The following MMP17 variants were observed in gnomAD, a reference collection of about 807,000 sequenced individuals.
MMP17 encodes matrix metallopeptidase 17.
Under a neutral mutation model 49.1 loss-of-function variants are expected in MMP17, and 54 were observed. That is an observed-to-expected ratio of 1.10 (90% confidence interval 0.88 to 1.38). MMP17 has a LOEUF of 1.38. Ranked by LOEUF, MMP17 falls within the 40% of genes most tolerant of loss-of-function variation. The pLI, the probability that MMP17 is intolerant of heterozygous loss-of-function variation, is 0.00. For missense variants in MMP17, 837 were observed against 853.7 expected, an observed-to-expected ratio of 0.98 and a Z score of 0.24; for synonymous variants, 397 against 383.1, an observed-to-expected ratio of 1.04 and a Z score of -0.42.
chr12:131,843,695 G>A (rs1454398193), intron 5 of MMP17, among the ~76,000 whole-genome samples: 2 of 152,256 alleles, frequency 1.3e-5, no homozygotes, highest in Non-Finnish European at 2.9e-5. Context: ...GCGGTGAACA[G>A]TGCTGTGAAG....
intron 5 of MMP17, among the ~76,000 whole-genome samples, chr12:131,843,030 CTG>C (rs1262152938): frequency 6.6e-6 from 1 of 152,114 alleles, no homozygotes; most frequent in African/African-American, 2.4e-5. Flanking sequence ...GAGTCTCACT[CTG>C]TCACCCAGGC....
At chr12:131,844,109 C>A in intron 6 of MMP17, 28 bp downstream of exon 6, 1 of 1,527,058 alleles carries the variant, frequency 6.5e-7, no homozygotes. Flanking sequence ...GGTCACCACC[C>A]GCTGGGGTCT....
At chr12:131,833,103 C>G (rs1886910614) in intron 1 of MMP17, among the ~76,000 whole-genome samples, 1 of 152,246 alleles carries the variant, frequency 6.6e-6, no homozygotes, top group Admixed American at 6.5e-5. Flanking sequence ...GTGTTCTCAT[C>G]TGTAAACTGG....
intron 1 of MMP17, among the ~76,000 whole-genome samples, chr12:131,836,264 G>A (rs946197152): frequency 6.6e-6 from 1 of 152,130 alleles, no homozygotes; most frequent in Non-Finnish European, 1.5e-5. Context: ...CAGATCCCAT[G>A]TAGTGTCTTG....
intron 4 of MMP17, among the ~76,000 whole-genome samples, 176 bp downstream of exon 4, chr12:131,841,032 C>G (rs1002473519): frequency 5.3e-5 from 8 of 152,242 alleles, no homozygotes; most frequent in Non-Finnish European, 1.0e-4. Flanking sequence ...CTCGGCCCGG[C>G]TGACCTCGCT....
rs777424632 is a variant in MMP17, at chr12:131,840,826, G to A, written c.676G>A (p.Asp226Asn). 2.1e-5 allele frequency: 33 copies of A among 1,606,858 alleles called. No homozygotes were observed. The African/African-American group carries it at 2.8e-4, about 14-fold the overall frequency. Reference sequence around the variant, plus strand: ...CACCGCCGGGGACACCCACTTTGACGATGACGAGGCCTGGACCTTCCGCTC... The same window carrying A: ...CACCGCCGGGGACACCCACTTTGACAATGACGAGGCCTGGACCTTCCGCTC... The part of the protein sequence containing the change: ...HHTAGDTHFD[D>N]DEAWTFRSSD... Residue 226 changes from aspartate to asparagine, a missense_variant, in exon 4 of 10, where the codon GAT becomes AAT. Coordinates refer to ENST00000360564, the MANE Select transcript of MMP17 (RefSeq NM_016155.7).
At chr12:131,839,547 C>T (rs1887274499) in intron 3 of MMP17, among the ~76,000 whole-genome samples, 1 of 152,112 alleles carries the variant, frequency 6.6e-6, no homozygotes, top group South Asian at 2.1e-4. Context: ...AATCTTGGCT[C>T]ACTACAACCT....
At chr12:131,848,438 C>G (rs927632227) in intron 8 of MMP17, among the ~76,000 whole-genome samples, 7 of 152,092 alleles carry the variant, frequency 4.6e-5, no homozygotes, top group Non-Finnish European at 1.0e-4. Flanking sequence ...TTTACTATTT[C>G]AGCCATTTTG....
In MMP17 at chr12:131,850,055, C is replaced by G. The variant is rs755256179; in HGVS notation, c.1458C>G (p.Ser486=). 16 of 1,608,278 alleles carry G rather than the reference C, an allele frequency of 9.9e-6. No homozygotes were observed. The highest frequency in any genetic ancestry group is 1.0e-5 in the Non-Finnish European group (12 of 1,177,148). The change falls in exon 9 of 10, where the codon TCC becomes TCG. Residue 486 remains serine (S), a synonymous_variant. Transcript: ENST00000360564. Reference sequence around the variant, plus strand: ...CGCTGGACGACGCCATGCGCTGGTCCGACGGTGAGTGCCAGCTGGGGGGAC... The same window carrying G: ...CGCTGGACGACGCCATGCGCTGGTCGGACGGTGAGTGCCAGCTGGGGGGAC... ...PSTLDDAMRW[S]DGASYFFRGQ... is the part of the protein sequence containing the mutation.
chr12:131,835,292 C>G (rs60528604), intron 1 of MMP17, among the ~76,000 whole-genome samples: 23,044 of 152,290 alleles, frequency 0.15, 2,616 homozygotes, highest in East Asian at 0.44. Flanking sequence ...GCCTGTTTAT[C>G]ATGGGCGGGG....
rs10751702 is a variant in MMP17, at chr12:131,846,266, C to G, written c.1204+817C>G. ...AGTGTCACCCTCAGCCACATCCCTC[C>G]TGCCACCGCCTCTGTCTCCACCCGG... On this transcript the variant is annotated intron_variant, in intron 8 of 9. Transcript: ENST00000360564. This position sits in a 1 kb window ranked among gnomAD's most constrained non-coding sequence, Gnocchi z 4.6. 0.96 allele frequency among the ~76,000 whole-genome samples: 146,767 copies of G among 152,286 alleles called. 70,880 individuals carry two copies. Among genetic ancestry groups the G allele is most frequent in the East Asian group, 1 (5,182 of 5,188 alleles).
rs543189082 is a variant in MMP17 at position 131,838,388 on chromosome 12, C to T, written c.292+61C>T. 6 of 1,581,982 alleles carry T rather than the reference C, an allele frequency of 3.8e-6. No homozygotes were observed. The South Asian group carries it at 4.6e-5, about 12-fold the overall frequency. ...CCCCGTCAGGTCTGCGCCCGTCGGC[C>T]ATGCCCCCTCTGATCAGGCACAGTC... On this transcript the variant is annotated intron_variant, in intron 2 of 9. Coordinates refer to ENST00000360564, the MANE Select transcript of MMP17 (RefSeq NM_016155.7).
chr12:131,828,393 A>T lies in MMP17; in HGVS notation c.-102A>T. 3.0e-6 allele frequency: 2 copies of T among 669,904 alleles called. No homozygotes were observed. The highest frequency in any genetic ancestry group is 3.7e-6 in the Non-Finnish European group (2 of 541,508). 41.5% of individuals were successfully genotyped at this position (669,904 alleles called of 1,614,324 possible). On this transcript the variant is annotated 5_prime_UTR_variant, in exon 1 of 10. Coordinates refer to ENST00000360564, the MANE Select transcript of MMP17 (RefSeq NM_016155.7). ...CGCTTGAGGCTGCCGCGCGGGGCTCAGTCCGGCGGGGGCGCCGCGGAGAGC... is the reference window on the plus strand; with the variant it reads ...CGCTTGAGGCTGCCGCGCGGGGCTCTGTCCGGCGGGGGCGCCGCGGAGAGC...
intron 8 of MMP17, 33 bp from the exon 9 acceptor site, chr12:131,849,769 G>A: frequency 3.8e-6 from 6 of 1,590,792 alleles, no homozygotes; most frequent in Non-Finnish European, 4.3e-6. Flanking sequence ...GTGGGGCCGA[G>A]CCCCGGCCCA....
intron 1 of MMP17, among the ~76,000 whole-genome samples, chr12:131,831,669 G>T (rs752227924): frequency 4.0e-5 from 6 of 150,758 alleles, no homozygotes; most frequent in Non-Finnish European, 7.4e-5. Context: ...TGGCTCCGGG[G>T]ATGTTGTTTG....
At chr12:131,844,728 C>T (rs1447012880) in intron 6 of MMP17, 5 of 273,328 alleles carry the variant, frequency 1.8e-5, no homozygotes, top group African/African-American at 8.6e-5. Flanking sequence ...GACCTTCTGT[C>T]GCTACAGCCA....
In MMP17 at chr12:131,841,490, C is replaced by G. The variant is rs1887404135; in HGVS notation, c.707-134C>G. ...ATCGCGTTAATTCCCAGTAACCCTGCAGAATCCCTCTGGCGCAGCCGGCAT... is the reference window on the plus strand; with the variant it reads ...ATCGCGTTAATTCCCAGTAACCCTGGAGAATCCCTCTGGCGCAGCCGGCAT... On this transcript the variant is annotated intron_variant, in intron 4 of 9. Coordinates refer to ENST00000360564, the MANE Select transcript of MMP17 (RefSeq NM_016155.7). The G allele has an allele frequency of 3.2e-6, 3 of 926,910 alleles. No individual in the cohort carries two copies. The South Asian group carries it at 4.6e-5, about 14-fold the overall frequency. The allele number at this position is 926,910 out of a possible 1,614,324, so 57.4% of individuals were successfully genotyped here. A position where few individuals can be genotyped will look rare whatever the true frequency, so the allele number is the denominator to read the frequency against.
rs962643490 is a variant in MMP17 at position 131,851,017 on chromosome 12, G to A, written c.1555G>A (p.Asp519Asn). 1 of 1,608,090 alleles carries A rather than the reference G, an allele frequency of 6.2e-7. No individual in the cohort carries two copies. The highest frequency in any genetic ancestry group is 8.5e-7 in the Non-Finnish European group (1 of 1,177,524). The change falls in exon 10 of 10, where the codon GAC becomes AAC. Residue 519 changes from aspartate to asparagine, a missense_variant. Transcript: ENST00000360564. ...APGYPQSTAR[D>N]WLVCGDSQAD... is the part of the protein sequence containing the mutation. ...CGGGTACCCACAGTCCACGGCCCGG[G>A]ACTGGCTGGTGTGTGGAGACTCACA...
intron 1 of MMP17, among the ~76,000 whole-genome samples, chr12:131,831,184 A>G (rs1452919930): frequency 1.3e-5 from 2 of 152,134 alleles, no homozygotes; most frequent in African/African-American, 4.8e-5. Context: ...ACTCGCGGCG[A>G]GAGTGTCTCG....
Sources: allele counts gnomAD v4.1 joint callset (sites outside exome capture counted in the v4.1 genomes callset), GRCh38; gene constraint gnomAD v4.1.1; non-coding constraint Gnocchi (gnomAD v3.1); transcripts MANE v1.5; gene names NCBI Gene and HGNC (gene_info 2026-07-23, HGNC 2026-07-21).